ROBO2: variants seen among roughly 807,000 people sequenced by gnomAD.
ROBO2 encodes the protein roundabout guidance receptor 2, also known as roundabout homolog 2.
A neutral mutation model predicts 160.8 loss-of-function variants in ROBO2; 53 were observed. The observed-to-expected ratio is 0.33, with a 90% confidence interval of 0.26 to 0.41. The LOEUF is 0.41. Among genes scored for constraint, ROBO2 ranks in the 10% least tolerant of loss-of-function variants. ROBO2 has a pLI of 1.00. For synonymous variants in ROBO2, 664 were observed against 611.7 expected, an observed-to-expected ratio of 1.09 and a Z score of -1.26; for missense variants, 1,577 against 1,722.4, an observed-to-expected ratio of 0.92 and a Z score of 1.49.
chr3:77,032,823 G>A (rs549689803), intron 2 of ROBO2, among the ~76,000 whole-genome samples: 12 of 152,278 alleles, frequency 7.9e-5, no homozygotes, highest in African/African-American at 2.2e-4. Context: ...AAGGGGGTAA[G>A]GTATAGGTGA....
chr3:76,174,907 A>G lies in ROBO2; in HGVS notation c.109+237305A>G, dbSNP rs182711353. Among the ~76,000 whole-genome samples the G allele has an allele frequency of 9.9e-5, 15 of 152,168 alleles. No homozygotes were observed. In the East Asian group the frequency reaches 1.2e-3, roughly 12 times the overall value. Reference sequence around the variant, plus strand: ...TTTTCTAGTTCTGTGAAGAAATTCAATAGTAGCTTGATGGGAATAGCATTG... The same window carrying G: ...TTTTCTAGTTCTGTGAAGAAATTCAGTAGTAGCTTGATGGGAATAGCATTG... On this transcript the variant is annotated intron_variant, in intron 2 of 26. Coordinates refer to the ROBO2 transcript ENST00000487694.
At chr3:76,286,835 G>A (rs935284869) in intron 2 of ROBO2, among the ~76,000 whole-genome samples, 5 of 152,252 alleles carry the variant, frequency 3.3e-5, no homozygotes, top group South Asian at 2.1e-4. Flanking sequence ...TAAAATCTCC[G>A]ACCTATTGGA....
At chr3:77,213,355 T>C (rs2084453978) in intron 2 of ROBO2, among the ~76,000 whole-genome samples, 1 of 152,316 alleles carries the variant, frequency 6.6e-6, no homozygotes, top group South Asian at 2.1e-4. Context: ...GATTTTCTAG[T>C]TTATTTGCAT....
intron 2 of ROBO2, among the ~76,000 whole-genome samples, chr3:77,283,242 A>AC (rs1490005731): frequency 4.6e-5 from 7 of 152,288 alleles, no homozygotes; most frequent in Middle Eastern, 3.4e-3. Context: ...AAAGATGATA[A>AC]CCCCTTTTCA....
At chr3:75,957,262 C>T (rs1428715460) in intron 2 of ROBO2, among the ~76,000 whole-genome samples, 4 of 150,886 alleles carry the variant, frequency 2.7e-5, no homozygotes, top group Non-Finnish European at 5.9e-5. Flanking sequence ...CACACACACA[C>T]ACACATACAC....
intron 2 of ROBO2, among the ~76,000 whole-genome samples, chr3:75,957,895 A>G (rs557060170): frequency 1.3e-5 from 2 of 151,756 alleles, no homozygotes; most frequent in South Asian, 2.1e-4. Flanking sequence ...TACAAACAGA[A>G]TCTCATCTTA....
intron 2 of ROBO2, among the ~76,000 whole-genome samples, chr3:76,385,539 T>A (rs2076841751): frequency 6.6e-6 from 1 of 152,180 alleles, no homozygotes; most frequent in Non-Finnish European, 1.5e-5. Context: ...ATCCAAGAAT[T>A]GTGTGACTTG....
intron 2 of ROBO2, among the ~76,000 whole-genome samples, chr3:77,285,344 C>T (rs532890985): frequency 6.6e-6 from 1 of 152,128 alleles, no homozygotes; most frequent in South Asian, 2.1e-4. Context: ...TGAAAGAAAA[C>T]AACAAAAGTG....
At chr3:76,695,428 A>G (rs1392175523) in intron 2 of ROBO2, among the ~76,000 whole-genome samples, 1 of 152,122 alleles carries the variant, frequency 6.6e-6, no homozygotes, top group Non-Finnish European at 1.5e-5. Context: ...TTTTTTTTTA[A>G]GTTGAAAAAT....
At position 77,492,736 on chromosome 3, in the gene ROBO2, A is replaced by G. The variant is rs2086286933; in HGVS notation, c.668-508A>G. Among the ~76,000 whole-genome samples the G allele has an allele frequency of 1.3e-5, 2 of 152,182 alleles. 1 individual carries two copies. The highest frequency in any genetic ancestry group is 4.1e-4 in the South Asian group (2 of 4,836). The stretch of plus-strand genomic sequence containing the variant: ...CATGGGAATATTGAGTCCTTATCAA[A>G]TCATAGCTTAAGTGGGAAAATCTAG... On this transcript the variant is annotated intron_variant, in intron 4 of 25. Coordinates refer to ENST00000461745, the Ensembl canonical transcript of ROBO2.
intron 19 of ROBO2, among the ~76,000 whole-genome samples, chr3:77,598,466 A>G (rs2094356364): frequency 1.4e-5 from 2 of 146,460 alleles, no homozygotes; most frequent in South Asian, 4.2e-4. Flanking sequence ...TATAGAATAT[A>G]TATATTTATT....
At chr3:76,158,997 G>T (rs981155296) in intron 2 of ROBO2, among the ~76,000 whole-genome samples, 1 of 152,142 alleles carries the variant, frequency 6.6e-6, no homozygotes, top group African/African-American at 2.4e-5. Context: ...AGAATTATAA[G>T]TGCAGAATGC....
intron 2 of ROBO2, among the ~76,000 whole-genome samples, chr3:76,113,230 GT>G (rs1458977476): frequency 3.3e-5 from 5 of 152,192 alleles, no homozygotes; most frequent in African/African-American, 1.2e-4. Context: ...TGAGGAAAAG[GT>G]TGTAGGAAAG....
intron 2 of ROBO2, among the ~76,000 whole-genome samples, chr3:76,628,957 A>G (rs2089849165): frequency 7.1e-6 from 1 of 140,648 alleles, no homozygotes; most frequent in Non-Finnish European, 1.5e-5. Context: ...GGTACTCATC[A>G]TTCCAAATAT....
chr3:76,796,444 G>A (rs569419279), intron 2 of ROBO2, among the ~76,000 whole-genome samples: 30 of 134,036 alleles, frequency 2.2e-4, no homozygotes, highest in Non-Finnish European at 4.0e-4. Context: ...AAGAAAAGAA[G>A]GAAGAAAGAA....
chr3:77,358,868 GA>G (rs2069511948), intron 2 of ROBO2, among the ~76,000 whole-genome samples: 1 of 152,190 alleles, frequency 6.6e-6, no homozygotes, highest in African/African-American at 2.4e-5. Flanking sequence ...TTGAATAAAT[GA>G]CCTTTTGGTA....
intron 2 of ROBO2, among the ~76,000 whole-genome samples, chr3:76,058,039 T>G (rs1281136042): frequency 6.6e-6 from 1 of 152,162 alleles, no homozygotes; most frequent in East Asian, 1.9e-4. Flanking sequence ...AATAATGTTA[T>G]TTTAGGAGGA....
chr3:77,241,535 G>C (rs1191403774), intron 2 of ROBO2, among the ~76,000 whole-genome samples: 1 of 152,110 alleles, frequency 6.6e-6, no homozygotes, highest in African/African-American at 2.4e-5. Flanking sequence ...TACACTTTAA[G>C]TGACTTTCCA....
chr3:75,956,600 G>A (rs1205290970), intron 2 of ROBO2, among the ~76,000 whole-genome samples: 2 of 151,730 alleles, frequency 1.3e-5, no homozygotes, highest in Non-Finnish European at 2.9e-5. Flanking sequence ...TCACTGAGAT[G>A]AGCCTGGAAA....
Sources: allele counts gnomAD v4.1 joint callset (sites outside exome capture counted in the v4.1 genomes callset), GRCh38; gene constraint gnomAD v4.1.1; transcripts MANE v1.5; gene names NCBI Gene and HGNC (gene_info 2026-07-23, HGNC 2026-07-21).